The following ASIC2 variants were observed in gnomAD, a reference collection of about 807,000 sequenced individuals.
The protein encoded by ASIC2 is acid sensing ion channel subunit 2, also known as acid-sensing ion channel 2.
In ASIC2, 25 loss-of-function variants were observed where a neutral mutation model predicts 57.3. The observed-to-expected ratio is 0.44, with a 90% CI of 0.32 to 0.61. The LOEUF is 0.61. Ranked by LOEUF, ASIC2 falls within the 20% of genes least tolerant of loss-of-function variation. The probability of loss-of-function intolerance (pLI) is 0.06; values close to 1 mark genes in which losing one functional copy is unlikely to be tolerated. For missense variants in ASIC2, 641 were observed against 738.1 expected, an observed-to-expected ratio of 0.87 and a Z score of 1.52; for synonymous variants, 319 against 307.5, an observed-to-expected ratio of 1.04 and a Z score of -0.39.
intron 1 of ASIC2, among the ~76,000 whole-genome samples, chr17:33,760,533 T>C (rs2142111915): frequency 6.6e-6 from 1 of 152,154 alleles, no homozygotes; most frequent in African/African-American, 2.4e-5. Flanking sequence ...TGTGTGTGTG[T>C]GTGCCATAGA....
chr17:33,470,804 T>A (rs1255433639), intron 1 of ASIC2, among the ~76,000 whole-genome samples: 2 of 151,918 alleles, frequency 1.3e-5, no homozygotes, highest in Non-Finnish European at 2.9e-5. Context: ...GCCAGAGGAG[T>A]TCACAGCATT....
intron 1 of ASIC2, among the ~76,000 whole-genome samples, chr17:33,980,351 C>A (rs565050562): frequency 2.0e-4 from 30 of 152,216 alleles, no homozygotes; most frequent in African/African-American, 6.7e-4. Flanking sequence ...TACCACTTGA[C>A]CAGGATCAAA....
intron 1 of ASIC2, among the ~76,000 whole-genome samples, chr17:33,696,346 C>T (rs952215845): frequency 6.6e-6 from 1 of 152,186 alleles, no homozygotes; most frequent in Non-Finnish European, 1.5e-5. Context: ...GTGCTGGAGG[C>T]TCTCTTTTCA....
At chr17:33,496,424 C>T (rs1210405176) in intron 1 of ASIC2, among the ~76,000 whole-genome samples, 3 of 152,034 alleles carry the variant, frequency 2.0e-5, no homozygotes. Context: ...ATTCTCACCA[C>T]CAGTTCCTGC....
chr17:33,112,042 T>A lies in ASIC2; in HGVS notation c.734A>T (p.Tyr245Phe). 2 of 1,613,828 alleles carry A rather than the reference T, an allele frequency of 1.2e-6. No individual in the cohort carries two copies. The highest frequency in any genetic ancestry group is 1.7e-6 in the Non-Finnish European group (2 of 1,179,914). Residue 245 changes from tyrosine to phenylalanine, a missense_variant, in exon 2 of 10, where the codon TAC becomes TTC. Coordinates refer to ENST00000225823, the MANE Select transcript of ASIC2 (RefSeq NM_183377.2). ...SSVFTKYGKC[Y>F]MFNSGEDGKP... ...GCCATCCTCGCCTGAGTTAAACATGTAACACTTCCCATATTTTGTAAACAC... is the reference window on the plus strand; with the variant it reads ...GCCATCCTCGCCTGAGTTAAACATGAAACACTTCCCATATTTTGTAAACAC...
At position 33,424,560 on chromosome 17, in the gene ASIC2, G is replaced by T. The variant is rs559495521; in HGVS notation, c.556-312493C>A. Among the ~76,000 whole-genome samples the T allele has an allele frequency of 1.2e-3, 184 of 152,296 alleles. 2 individuals are homozygous for T. In the South Asian group the frequency reaches 0.037, roughly 31 times the overall value. On this transcript the variant is annotated intron_variant, in intron 1 of 9. Coordinates refer to the ASIC2 transcript ENST00000359872. ...GGGTAGCCTGAAAATAATTTGGGAAGCTAATGTCTTTATCTGGAGCTGCAA... is the reference window on the plus strand; with the variant it reads ...GGGTAGCCTGAAAATAATTTGGGAATCTAATGTCTTTATCTGGAGCTGCAA...
At chr17:34,058,655 TATTAGC>T (rs1222429788) in intron 1 of ASIC2, among the ~76,000 whole-genome samples, 6 of 152,080 alleles carry the variant, frequency 3.9e-5, no homozygotes, top group African/African-American at 1.5e-4. Flanking sequence ...CAGGGAAATG[TATTAGC>T]ATTTCCTCCT....
chr17:33,185,465 G>A (rs1906154599), intron 1 of ASIC2, among the ~76,000 whole-genome samples: 1 of 152,128 alleles, frequency 6.6e-6, no homozygotes, highest in South Asian at 2.1e-4. Context: ...ACGGGGCAAT[G>A]CTCCCCGAGA....
intron 1 of ASIC2, among the ~76,000 whole-genome samples, chr17:33,405,815 G>C (rs767463067): frequency 6.6e-6 from 1 of 151,978 alleles, no homozygotes; most frequent in Non-Finnish European, 1.5e-5. Context: ...AAACTAACCA[G>C]TTCAGAGCCC....
At chr17:33,295,160 C>T (rs190414595), upstream of ASIC2, among the ~76,000 whole-genome samples, 4 of 151,572 alleles carry the variant, frequency 2.6e-5, no homozygotes, top group Non-Finnish European at 5.9e-5. Context: ...TCTTTCCTAG[C>T]TATTTCCCCC....
At chr17:33,440,914 C>G (rs1911801333) in intron 1 of ASIC2, among the ~76,000 whole-genome samples, 1 of 152,000 alleles carries the variant, frequency 6.6e-6, no homozygotes, top group South Asian at 2.1e-4. Flanking sequence ...ATTTTTATTA[C>G]TTGCAAATAT....
intron 1 of ASIC2, among the ~76,000 whole-genome samples, chr17:33,116,152 G>A (rs951610380): frequency 2.0e-5 from 3 of 152,224 alleles, no homozygotes; most frequent in African/African-American, 7.2e-5. Context: ...CACGGAAAGC[G>A]AAACGCCCGC....
intron 6 of ASIC2, among the ~76,000 whole-genome samples, 186 bp from the exon 7 acceptor site, chr17:33,021,496 G>C (rs551456992): frequency 6.6e-6 from 1 of 152,234 alleles, no homozygotes; most frequent in Non-Finnish European, 1.5e-5. Context: ...CTCCCAGCCC[G>C]GGTCTGGAGG....
At chr17:33,244,755 C>T (rs548367746) in intron 1 of ASIC2, among the ~76,000 whole-genome samples, 85 of 152,318 alleles carry the variant, frequency 5.6e-4, no homozygotes, top group Non-Finnish European at 7.2e-4. Context: ...GAGGACAAGG[C>T]GTGGTCTGAC....
At chr17:33,980,220 C>A (rs867536148) in intron 1 of ASIC2, among the ~76,000 whole-genome samples, 35 of 152,118 alleles carry the variant, frequency 2.3e-4, no homozygotes, top group African/African-American at 7.7e-4. Context: ...GAAGGACACA[C>A]CTCCACTGAC....
At chr17:33,146,017 A>G (rs1185960373) in intron 1 of ASIC2, among the ~76,000 whole-genome samples, 2 of 152,216 alleles carry the variant, frequency 1.3e-5, no homozygotes, top group African/African-American at 4.8e-5. Flanking sequence ...GTGTCTTCAA[A>G]ACATTTCCTG....
chr17:33,483,319 T>G (rs926318676), intron 1 of ASIC2, among the ~76,000 whole-genome samples: 7 of 152,246 alleles, frequency 4.6e-5, no homozygotes, highest in Non-Finnish European at 1.0e-4. Context: ...CTTGTCACAA[T>G]GGGTCCCCCG....
At chr17:33,111,677 T>C (rs1044837154) in intron 2 of ASIC2, among the ~76,000 whole-genome samples, 6 of 152,014 alleles carry the variant, frequency 3.9e-5, no homozygotes, top group Admixed American at 6.6e-5. Flanking sequence ...TCCTTCCCCC[T>C]ACCTACCTTA....
At chr17:33,249,442 G>A (rs917275694) in intron 1 of ASIC2, among the ~76,000 whole-genome samples, 3 of 152,146 alleles carry the variant, frequency 2.0e-5, no homozygotes, top group South Asian at 4.2e-4. Context: ...GCAAGGGAGC[G>A]AGGGTAGAGA....
Sources: allele counts gnomAD v4.1 joint callset (sites outside exome capture counted in the v4.1 genomes callset), GRCh38; gene constraint gnomAD v4.1.1; transcripts MANE v1.5; gene names NCBI Gene and HGNC (gene_info 2026-07-23, HGNC 2026-07-21).